The following TTLL12 variants were observed in gnomAD, a reference collection of about 807,000 sequenced individuals.
TTLL12 encodes tubulin--tyrosine ligase-like protein 12.
A neutral mutation model predicts 79.6 loss-of-function variants in TTLL12; 77 were observed. The ratio of observed to expected loss-of-function variants is 0.97; its 90% CI spans 0.81 to 1.17. TTLL12 has a LOEUF of 1.17. Among genes scored for constraint, TTLL12 ranks in the 50% most tolerant of loss-of-function variants. TTLL12 has a pLI of 0.00. For missense variants in TTLL12, 969 were observed against 895.9 expected (o/e 1.08, Z -1.04); for synonymous variants, 437 against 376.1 (o/e 1.16, Z -1.87).
chr22:43,171,524 C>T (rs1931763994), intron 11 of TTLL12: 4 of 296,848 alleles, frequency 1.3e-5, no homozygotes, highest in Non-Finnish European at 1.9e-5. Context: ...GAGTAAGCCC[C>T]GGCTGGGAAC....
rs1931862037 is a variant in TTLL12, at chr22:43,174,813, T to C, written c.918-198A>G. 2.0e-5 allele frequency among the ~76,000 whole-genome samples: 3 copies of C among 152,174 alleles called. No individual in the cohort carries two copies. In the South Asian group the frequency reaches 6.2e-4, roughly 31 times the overall value. Reference sequence around the variant, plus strand: ...AATCTGCTGAGGGAGGGGCGCAACCTGTACCCTTGTGACCCCTGGTTCCCC... The same window carrying C: ...AATCTGCTGAGGGAGGGGCGCAACCCGTACCCTTGTGACCCCTGGTTCCCC... On this transcript the variant is annotated intron_variant, in intron 6 of 13. Coordinates refer to ENST00000216129, the MANE Select transcript of TTLL12 (RefSeq NM_015140.4).
rs561449732 is a variant in TTLL12, at chr22:43,183,020, C to T, written c.307G>A (p.Val103Met). ...GCCTGGAGCCCGCTCTCCCTGGTCA[C>T]GATGACCTTGTAGCACAGCTCGTTC... ...PGNELCYKVI[V>M]TRESGLQAAH... Residue 103 changes from valine to methionine, a missense_variant, in exon 2 of 14, where the codon GTG becomes ATG. Val to Met is a conservative substitution (Grantham distance 21). Coordinates refer to ENST00000216129, the MANE Select transcript of TTLL12 (RefSeq NM_015140.4). 4 of 1,613,964 alleles carry T rather than the reference C, an allele frequency of 2.5e-6. No homozygotes were observed. In the South Asian group the frequency reaches 3.3e-5, roughly 13 times the overall value.
In TTLL12 at chr22:43,166,770, C is replaced by T. The variant is rs773769059; in HGVS notation, c.*1238G>A. The T allele has an allele frequency of 6.8e-5, 11 of 161,282 alleles. No homozygotes were observed. Among genetic ancestry groups the T allele is most frequent in the Middle Eastern group, 6.4e-3 (2 of 314 alleles). The allele number at this position is 161,282 out of a possible 1,614,324, so 10.0% of individuals were successfully genotyped here. On this transcript the variant is annotated 3_prime_UTR_variant, in exon 14 of 14. Coordinates refer to ENST00000216129, the MANE Select transcript of TTLL12 (RefSeq NM_015140.4). Reference sequence around the variant, plus strand: ...ATGGCTCCCCTCAGGAAGGGTAACGCGTGCTTGTAAACAAGGGCCCAGACA... The same window carrying T: ...ATGGCTCCCCTCAGGAAGGGTAACGTGTGCTTGTAAACAAGGGCCCAGACA...
rs749292560 is a variant in TTLL12, at chr22:43,174,522, G to C, written c.1011C>G (p.Asn337Lys). ...QSEADADILF[N>K]FSHFKDYRKL... ...ACCTGTAGTCCTTGAAGTGTGAGAA[G>C]TTGAAGAGGATGTCGGCGTCCGCCT... The change falls in exon 7 of 14, where the codon AAC becomes AAG. Residue 337 changes from asparagine to lysine, a missense_variant. Coordinates refer to ENST00000216129, the MANE Select transcript of TTLL12 (RefSeq NM_015140.4). The C allele has an allele frequency of 6.2e-7, 1 of 1,613,230 alleles. No individual in the cohort carries two copies. Among genetic ancestry groups the C allele is most frequent in the Non-Finnish European group, 8.5e-7 (1 of 1,179,580 alleles).
At chr22:43,184,587 G>T (rs894095418) in intron 1 of TTLL12, among the ~76,000 whole-genome samples, 7 of 152,246 alleles carry the variant, frequency 4.6e-5, no homozygotes, top group African/African-American at 1.7e-4. Context: ...GGTCACATGA[G>T]AGACAAGGCA....
rs750631143 is a variant in TTLL12, at chr22:43,172,481, C to T, written c.1415G>A (p.Arg472His). The change falls in exon 10 of 14, where the codon CGC becomes CAC. Residue 472 changes from arginine (R) to histidine (H), a missense_variant. Arg to His is a conservative substitution (Grantham distance 29). Coordinates refer to ENST00000216129, the MANE Select transcript of TTLL12 (RefSeq NM_015140.4). ...CACTGACCGCAGCAGCACGATGTAG[C>T]GGATGTCGAACTTGACCTTTCCCAC... Reference protein sequence around the residue: ...EDVGKVKFDIRYIVLLRSVRP... With the variant: ...EDVGKVKFDIHYIVLLRSVRP... The T allele has an allele frequency of 1.2e-6, 2 of 1,614,140 alleles. No homozygotes were observed. Among genetic ancestry groups the T allele is most frequent in the Non-Finnish European group, 1.7e-6 (2 of 1,180,030 alleles).
intron 5 of TTLL12, 70 bp from the exon 6 acceptor site, chr22:43,176,466 A>G: frequency 7.8e-7 from 1 of 1,277,930 alleles, no homozygotes; most frequent in Non-Finnish European, 1.1e-6. Context: ...GTGGTGGCTC[A>G]TGTCCATAAT....
At chr22:43,171,706 G>T in intron 11 of TTLL12, 113 bp downstream of exon 11, 1 of 791,818 alleles carries the variant, frequency 1.3e-6, no homozygotes, top group Non-Finnish European at 2.1e-6. Context: ...TCAGGAGGCG[G>T]CTCCTGGGAC....
chr22:43,169,031 T>C, intron 12 of TTLL12, 119 bp from the exon 13 acceptor site: 1 of 1,343,936 alleles, frequency 7.4e-7, no homozygotes, highest in East Asian at 2.5e-5. Context: ...TCCCACATCT[T>C]CACGTCTCTA....
intron 1 of TTLL12, among the ~76,000 whole-genome samples, chr22:43,185,345 T>C (rs1185702833): frequency 6.9e-6 from 1 of 145,544 alleles, no homozygotes; most frequent in African/African-American, 2.6e-5. Flanking sequence ...GCAGCCGGCC[T>C]AAGGTGAGGC....
Position 43,183,049 on chromosome 22 carries a change from G to A in TTLL12, c.278C>T (p.Pro93Leu), listed in dbSNP as rs150601768. The A allele has an allele frequency of 2.8e-4, 450 of 1,613,960 alleles. No homozygotes were observed. Among genetic ancestry groups the A allele is most frequent in the Non-Finnish European group, 3.6e-4 (419 of 1,179,950 alleles). The change falls in exon 2 of 14, where the codon CCG (proline) becomes CTG (leucine). Residue 93 changes from proline (P) to leucine (L), a missense_variant. Coordinates refer to ENST00000216129, the MANE Select transcript of TTLL12 (RefSeq NM_015140.4). ...GACCTTGTAGCACAGCTCGTTCCCCGGGTTGGGCTGCTGCTTCCGCACCTC... is the reference window on the plus strand; with the variant it reads ...GACCTTGTAGCACAGCTCGTTCCCCAGGTTGGGCTGCTGCTTCCGCACCTC... ...AREVRKQQPN[P>L]GNELCYKVIV...
At chr22:43,182,607 C>T (rs933131667) in intron 2 of TTLL12, among the ~76,000 whole-genome samples, 1 of 152,190 alleles carries the variant, frequency 6.6e-6, no homozygotes, top group African/African-American at 2.4e-5. Context: ...GGGCCCACCC[C>T]AGATTCCAAT....
Position 43,174,543 on chromosome 22 carries a change from C to T in TTLL12, c.990G>A (p.Ala330=), listed in dbSNP as rs369937584. Residue 330 remains alanine (A), a synonymous_variant, in exon 7 of 14, where the codon GCG becomes GCA. Coordinates refer to ENST00000216129, the MANE Select transcript of TTLL12 (RefSeq NM_015140.4). The part of the protein sequence containing the change: ...HPRFTLTQSE[A]DADILFNFSH... ...AGAAGTTGAAGAGGATGTCGGCGTC[C>T]GCCTCACTCTGGGTGAGGGTGAAGC... The T allele has an allele frequency of 6.4e-5, 104 of 1,613,502 alleles. No homozygotes were observed. The highest frequency in any genetic ancestry group is 7.6e-5 in the Non-Finnish European group (90 of 1,179,752).
chr22:43,167,913 G>A lies in TTLL12; in HGVS notation c.*95C>T, dbSNP rs556203357. 7.0e-4 allele frequency: 1,040 copies of A among 1,482,344 alleles called. 2 individuals carry two copies. The highest frequency in any genetic ancestry group is 4.1e-3 in the Middle Eastern group (17 of 4,120). The allele number at this position is 1,482,344 out of a possible 1,614,324, so 91.8% of individuals were successfully genotyped here. A position where few individuals can be genotyped will look rare whatever the true frequency, so the allele number is the denominator to read the frequency against. On this transcript the variant is annotated 3_prime_UTR_variant, in exon 14 of 14. Transcript: ENST00000216129. ...TGGGGCTGAGGCTATGCCCAGGGCC[G>A]GTGTGGGGAGGGACATGGGGGCCTT... is the stretch of plus-strand genomic sequence containing the variant.
rs1220194886 is a variant in TTLL12 at position 43,187,023 on chromosome 22, C to T, written c.47G>A (p.Ser16Asn). Residue 16 changes from serine to asparagine, a missense_variant, in exon 1 of 14, where the codon AGC becomes AAC. Physicochemically the swap from Ser to Asn is conservative, Grantham distance 46. Transcript: ENST00000216129. ...GCCCTCCTCCGGCGTCTGGCCCGGG[C>T]TGCTACGCTCCGCAGGCCGGCGCTC... ...GPERRPAERS[S>N]PGQTPEEGAQ... 5 of 1,224,690 alleles carry T rather than the reference C, an allele frequency of 4.1e-6. No individual in the cohort carries two copies. The East Asian group carries it at 1.7e-4, about 42-fold the overall frequency. The allele number at this position is 1,224,690 out of a possible 1,614,324, so 75.9% of individuals were successfully genotyped here. A position where few individuals can be genotyped will look rare whatever the true frequency, so the allele number is the denominator to read the frequency against.
At position 43,186,848 on chromosome 22, in the gene TTLL12, G is replaced by A. The variant is rs1047225962; in HGVS notation, c.177+45C>T. 15 of 1,240,396 alleles carry A rather than the reference G, an allele frequency of 1.2e-5. No homozygotes were observed. In the African/African-American group the frequency reaches 2.1e-4, roughly 17 times the overall value. The allele number at this position is 1,240,396 out of a possible 1,614,324, so 76.8% of individuals were successfully genotyped here. ...GTCCCGCGCCGCGGGCTCCCGCCGC[G>A]CTCCCACCCCGGCCGCCGCACGTGC... On this transcript the variant is annotated intron_variant, in intron 1 of 13. Transcript: ENST00000216129.
intron 11 of TTLL12, among the ~76,000 whole-genome samples, chr22:43,171,419 G>C (rs980752222): frequency 6.6e-6 from 1 of 152,242 alleles, no homozygotes; most frequent in Non-Finnish European, 1.5e-5. Context: ...CAGGGTCACG[G>C]GCCAGCAGCC....
intron 6 of TTLL12, 65 bp from the exon 7 acceptor site, chr22:43,174,680 G>C: frequency 8.2e-7 from 1 of 1,213,924 alleles, no homozygotes; most frequent in Non-Finnish European, 1.2e-6. Context: ...TCCAGCACTA[G>C]CCCTGGCTCA....
intron 1 of TTLL12, among the ~76,000 whole-genome samples, chr22:43,183,861 G>C (rs1235089502): frequency 6.6e-6 from 1 of 152,266 alleles, no homozygotes; most frequent in Non-Finnish European, 1.5e-5. Context: ...TCTGGAGCCA[G>C]GCTGTGTGGG....
Sources: gnomAD v4.1 joint callset for allele counts (sites outside exome capture counted in the v4.1 genomes callset) on GRCh38, gnomAD v4.1.1 for gene constraint, MANE v1.5 for transcripts, NCBI Gene and HGNC (gene_info 2026-07-23, HGNC 2026-07-21) for gene names.